Variants in E2F7 observed in about 807,000 individuals in gnomAD.
E2F7 encodes the protein E2F transcription factor 7.
A neutral mutation model predicts 81.1 loss-of-function variants in E2F7; 35 were observed. That is an observed-to-expected ratio of 0.43 (90% CI 0.33 to 0.57). E2F7 has a LOEUF of 0.57. E2F7 is among the 20% of genes least tolerant of loss of function. E2F7 has a pLI of 0.04. For synonymous variants in E2F7, 416 were observed against 416.2 expected, an observed-to-expected ratio of 1.00 and a Z score of 0.01; for missense variants, 961 against 1,093.7, an observed-to-expected ratio of 0.88 and a Z score of 1.71.
intron 4 of E2F7, 122 bp from the exon 5 acceptor site, chr12:77,046,450 C>T (rs146900004): frequency 5.9e-5 from 61 of 1,038,464 alleles, no homozygotes; most frequent in Admixed American, 1.2e-4. Flanking sequence ...ATGCCCACTG[C>T]GTGGATGCTC....
At chr12:77,032,261 A>C (rs950667299) in intron 9 of E2F7, among the ~76,000 whole-genome samples, 7 of 152,164 alleles carry the variant, frequency 4.6e-5, no homozygotes, top group Non-Finnish European at 1.0e-4. Context: ...TGGCTTTCAA[A>C]GCTTTTTGCC....
chr12:77,030,075 A>G lies in E2F7; in HGVS notation c.1640T>C (p.Val547Ala), dbSNP rs1001930841. 2.5e-6 allele frequency: 4 copies of G among 1,614,002 alleles called. No individual in the cohort carries two copies. The Admixed American group carries it at 6.7e-5, about 27-fold the overall frequency. Reference protein sequence around the residue: ...KPALLAGQPLVYVPSASLFML... With the variant: ...KPALLAGQPLAYVPSASLFML... ...GAACAGTGAGGCAGAGGGCACATAC[A>G]CTAGAGGCTGGCCAGCAAGGAGTGC... Residue 547 changes from valine to alanine, a missense_variant, in exon 10 of 13, where the codon GTG (valine) becomes GCG (alanine). By Grantham distance (64) the Val-to-Ala change is moderately conservative. Transcript: ENST00000322886.
chr12:77,040,691 G>A (rs1369886374), intron 7 of E2F7, among the ~76,000 whole-genome samples: 2 of 152,152 alleles, frequency 1.3e-5, no homozygotes, highest in Non-Finnish European at 2.9e-5. Flanking sequence ...GGATGGGAGT[G>A]GGGACCAGGA....
At chr12:77,030,451 A>C in intron 9 of E2F7, 119 bp from the exon 10 acceptor site, 1 of 1,286,806 alleles carries the variant, frequency 7.8e-7, no homozygotes, top group Non-Finnish European at 1.1e-6. Flanking sequence ...GCAGATACGA[A>C]AGCGCACTTG....
rs1265984503 is a variant in E2F7 at position 77,044,680 on chromosome 12, C to T, written c.945G>A (p.Leu315=). 6.2e-7 allele frequency: 1 copy of T among 1,613,988 alleles called. No homozygotes were observed. Among genetic ancestry groups the T allele is most frequent in the Non-Finnish European group, 8.5e-7 (1 of 1,179,996 alleles). Residue 315 remains leucine (L), a synonymous_variant, in exon 6 of 13, where the codon CTG becomes CTA. Coordinates refer to ENST00000322886, the MANE Select transcript of E2F7 (RefSeq NM_203394.3). ...CTGGGGCATCTTGGCTTTCTTCTAT[C>T]AGTATTTTGGCAGCCACATCCAGAG... ...IVTLDVAAKI[L]IEESQDAPDH...
At chr12:77,061,627 CT>C (rs906654100) in intron 2 of E2F7, among the ~76,000 whole-genome samples, 1 of 152,220 alleles carries the variant, frequency 6.6e-6, no homozygotes, top group Non-Finnish European at 1.5e-5. Flanking sequence ...AGAAAAGTTT[CT>C]CCATGACTGG....
chr12:77,028,317 C>T (rs1335238219), intron 10 of E2F7, among the ~76,000 whole-genome samples, 179 bp from the exon 11 acceptor site: 1 of 151,274 alleles, frequency 6.6e-6, no homozygotes, highest in African/African-American at 2.4e-5. Flanking sequence ...CTCAGCCTCC[C>T]GAGTAGCTGG....
At chr12:77,048,453 T>A (rs1483746945) in intron 4 of E2F7, among the ~76,000 whole-genome samples, 1 of 152,204 alleles carries the variant, frequency 6.6e-6, no homozygotes, top group Admixed American at 6.5e-5. Context: ...GCTGTGCTAT[T>A]AAGTCACTTC....
In E2F7 at chr12:77,056,069, A is replaced by G. The variant is rs1484094698; in HGVS notation, c.155T>C (p.Ile52Thr). 2.4e-5 allele frequency: 38 copies of G among 1,614,056 alleles called. No homozygotes were observed. The highest frequency in any genetic ancestry group is 6.6e-5 in the South Asian group (6 of 91,068). ...AAATTTTTTTTGCTTCGATAAATCAATTGGTTCATTTTTTATTGGAGTCTT... is the reference window on the plus strand; with the variant it reads ...AAATTTTTTTTGCTTCGATAAATCAGTTGGTTCATTTTTTATTGGAGTCTT... ...APKTPIKNEP[I>T]DLSKQKKFTP... The change falls in exon 3 of 13, where the codon ATT becomes ACT. Residue 52 changes from isoleucine (I) to threonine (T), a missense_variant. This residue lies in a region of E2F7 where 73 missense variants were observed against 68.4 expected (regional missense o/e 1.07). Transcript: ENST00000322886.
At chr12:77,037,714 A>T (rs1333704587) in intron 7 of E2F7, among the ~76,000 whole-genome samples, 2 of 152,222 alleles carry the variant, frequency 1.3e-5, no homozygotes, top group East Asian at 3.8e-4. Flanking sequence ...AAATACTTAT[A>T]AATCCAAAAG....
chr12:77,030,839 A>C (rs1954800431), intron 9 of E2F7, among the ~76,000 whole-genome samples: 1 of 152,160 alleles, frequency 6.6e-6, no homozygotes, highest in Non-Finnish European at 1.5e-5. Context: ...TTGATGGCAA[A>C]ACCCATGTTC....
intron 3 of E2F7, among the ~76,000 whole-genome samples, chr12:77,053,414 T>TCC (rs372332854): frequency 1.1e-4 from 16 of 152,206 alleles, no homozygotes; most frequent in South Asian, 2.1e-4. Context: ...TGTTGCAATA[T>TCC]CCACATTGTG....
chr12:77,043,192 T>C lies in E2F7; in HGVS notation c.996A>G (p.Val332=). The C allele has an allele frequency of 1.2e-6, 2 of 1,614,138 alleles. No individual in the cohort carries two copies. The highest frequency in any genetic ancestry group is 8.5e-7 in the Non-Finnish European group (1 of 1,180,016). ...CATTGGCTATGTCATAGAGGCGTCG[T>C]ACCTTTGCTTGAAGATATAAAACAC... is the stretch of plus-strand genomic sequence containing the variant. ...APDHSKFKTK[V]RRLYDIANVL... is the part of the protein sequence containing the mutation. Residue 332 remains valine, a synonymous_variant, in exon 7 of 13, where the codon GTA becomes GTG. Coordinates refer to ENST00000322886, the MANE Select transcript of E2F7 (RefSeq NM_203394.3).
In E2F7 at chr12:77,024,102, A is replaced by G; in HGVS notation, c.2649T>C (p.Pro883=). The change falls in exon 13 of 13, where the codon CCT becomes CCC. Residue 883 remains proline, a synonymous_variant. Transcript: ENST00000322886. ...FFKTPGSLGD[P]VLKRRERNQS... ...GGTTCCTTTCTCTTCTCTTCAGGAC[A>G]GGGTCTCCAAGGCTGCCGGGTGTCT... 6.2e-7 allele frequency: 1 copy of G among 1,613,992 alleles called. No individual in the cohort carries two copies. The highest frequency in any genetic ancestry group is 8.5e-7 in the Non-Finnish European group (1 of 1,179,992).
intron 5 of E2F7, 41 bp downstream of exon 5, chr12:77,045,997 C>T (rs1248302009): frequency 6.3e-7 from 1 of 1,587,974 alleles, no homozygotes; most frequent in Admixed American, 1.7e-5. Context: ...CCATCACTTG[C>T]TCTTTCTCTG....
intron 7 of E2F7, among the ~76,000 whole-genome samples, chr12:77,035,989 GAATA>G (rs1399469767): frequency 6.6e-6 from 1 of 150,980 alleles, no homozygotes; most frequent in Non-Finnish European, 1.5e-5. Flanking sequence ...ATGAATAAAT[GAATA>G]AATAAATGAA....
At chr12:77,024,878 G>A (rs1954745422) in intron 12 of E2F7, among the ~76,000 whole-genome samples, 1 of 152,174 alleles carries the variant, frequency 6.6e-6, no homozygotes, top group South Asian at 2.1e-4. Context: ...ATAATTCTTT[G>A]TCTGGGAGAG....
chr12:77,055,856 TG>T lies in E2F7; in HGVS notation c.367del (p.Gln123SerfsTer25), dbSNP rs749524161. On this transcript the variant is annotated frameshift_variant and splice_region_variant, in exon 3 of 13. Coordinates refer to ENST00000322886, the MANE Select transcript of E2F7 (RefSeq NM_203394.3). LOFTEE classifies it high-confidence loss of function. The part of the protein sequence containing the change: ...NKDDAFTDSL[Q>X]LDVVGDSAVD... The stretch of plus-strand genomic sequence containing the variant: ...CCCTGAGGAGCACAGTCTGTTTACC[TG>T]TAGAGAATCTGTAAATGCATCGTCC... 3.1e-6 allele frequency: 5 copies of T among 1,606,288 alleles called. No individual in the cohort carries two copies. Among genetic ancestry groups the T allele is most frequent in the Non-Finnish European group, 4.2e-6 (5 of 1,177,210 alleles).
intron 7 of E2F7, among the ~76,000 whole-genome samples, chr12:77,038,108 A>G (rs568952037): frequency 7.2e-5 from 11 of 152,330 alleles, no homozygotes; most frequent in Admixed American, 5.9e-4. Flanking sequence ...GTGATCCTAA[A>G]TATTTATGCA....
Sources: gnomAD v4.1 joint callset for allele counts (sites outside exome capture counted in the v4.1 genomes callset) on GRCh38, gnomAD v4.1.1 for gene constraint, gnomAD v4.1.1 regional missense constraint, MANE v1.5 for transcripts, NCBI Gene and HGNC (gene_info 2026-07-23, HGNC 2026-07-21) for gene names.